NEBL: variants seen among roughly 807,000 people sequenced by gnomAD.
The protein encoded by NEBL is nebulette.
NEBL carries 122 observed loss-of-function variants against 140.2 expected under a neutral mutation model. The ratio of observed to expected loss-of-function variants is 0.87; its 90% CI spans 0.75 to 1.01. The LOEUF is 1.01. Ranked by LOEUF, NEBL falls within the 50% of genes least tolerant of loss-of-function variation. NEBL has a pLI of 0.00. For synonymous variants in NEBL, 436 were observed against 398.9 expected, an observed-to-expected ratio of 1.09 and a Z score of -1.11; for missense variants, 1,365 against 1,231.3, an observed-to-expected ratio of 1.11 and a Z score of -1.62.
At chr10:21,270,689 T>A (rs1158858148) in intron 1 of NEBL, among the ~76,000 whole-genome samples, 2 of 152,124 alleles carry the variant, frequency 1.3e-5, no homozygotes, top group Non-Finnish European at 2.9e-5. Context: ...AATTGTTTGG[T>A]ATATAGATCT....
chr10:21,098,652 T>C (rs569143327), intron 2 of NEBL, among the ~76,000 whole-genome samples: 1 of 152,192 alleles, frequency 6.6e-6, no homozygotes, highest in Non-Finnish European at 1.5e-5. Context: ...TCATTTGGTG[T>C]CCTACAAGAT....
chr10:20,951,889 G>A (rs16905928), intron 4 of NEBL, among the ~76,000 whole-genome samples: 13,706 of 152,224 alleles, frequency 0.09, 664 homozygotes, highest in Middle Eastern at 0.12. Context: ...TGGAAATTGA[G>A]ACGTGAAGCT....
rs564986755 is a variant in NEBL at position 21,126,402 on chromosome 10, G to C, written c.164+45981C>G. Among the ~76,000 whole-genome samples, 5 of 152,278 alleles carry C rather than the reference G, an allele frequency of 3.3e-5. No homozygotes were observed. In the South Asian group the frequency reaches 1.0e-3, roughly 32 times the overall value. On this transcript the variant is annotated intron_variant, in intron 2 of 6. Coordinates refer to the NEBL transcript ENST00000417816. Reference sequence around the variant, plus strand: ...CATAACTAGGAGCTCAAAGATCAGAGAGAGAGAGAAACAAAAGCATTCCAT... The same window carrying C: ...CATAACTAGGAGCTCAAAGATCAGACAGAGAGAGAAACAAAAGCATTCCAT...
intron 26 of NEBL, chr10:20,793,312 A>T: frequency 1.1e-6 from 1 of 944,560 alleles, no homozygotes; most frequent in East Asian, 1.2e-4. Context: ...GGAATCATTT[A>T]AAAATAAAAG....
At chr10:21,185,719 ACTCCTGACCTCAGTTGATC>A (rs1360971215) in intron 3 of NEBL, among the ~76,000 whole-genome samples, 1 of 151,038 alleles carries the variant, frequency 6.6e-6, no homozygotes, top group Non-Finnish European at 1.5e-5. Context: ...CTGGTCTCGA[ACTCCTGACCTCAGTTGATC>A]CACCTCGCCT....
chr10:21,076,336 T>C (rs1026581312), intron 2 of NEBL, among the ~76,000 whole-genome samples: 27 of 146,642 alleles, frequency 1.8e-4, no homozygotes, highest in African/African-American at 6.6e-4. Context: ...TCCCAGCTAC[T>C]CAGAAGGCTG....
intron 9 of NEBL, among the ~76,000 whole-genome samples, chr10:20,854,862 G>T (rs999757133): frequency 6.6e-6 from 1 of 152,104 alleles, no homozygotes; most frequent in African/African-American, 2.4e-5. Flanking sequence ...ACTGCACCTA[G>T]CCCACAGAGT....
chr10:21,167,159 A>G (rs1041588405), intron 2 of NEBL, among the ~76,000 whole-genome samples: 2 of 152,214 alleles, frequency 1.3e-5, no homozygotes, highest in African/African-American at 2.4e-5. Context: ...GTCAATAAAT[A>G]TTCACGAGAG....
At chr10:21,128,797 T>G (rs1313191973) in intron 2 of NEBL, among the ~76,000 whole-genome samples, 1 of 152,070 alleles carries the variant, frequency 6.6e-6, no homozygotes, top group Admixed American at 6.5e-5. Flanking sequence ...CATAAAAATA[T>G]AACATTGAAA....
At chr10:21,259,641 C>T (rs960658104) in intron 1 of NEBL, among the ~76,000 whole-genome samples, 1 of 152,160 alleles carries the variant, frequency 6.6e-6, no homozygotes, top group African/African-American at 2.4e-5. Flanking sequence ...ACCAGTCTTC[C>T]TGGTGGCAAA....
intron 3 of NEBL, among the ~76,000 whole-genome samples, chr10:21,186,663 T>A (rs537759611): frequency 7.3e-4 from 104 of 143,082 alleles, no homozygotes; most frequent in African/African-American, 2.5e-3. Flanking sequence ...GTTTGCGACT[T>A]TTTTTTTTTT....
chr10:20,955,409 T>C (rs1307903235), intron 4 of NEBL, among the ~76,000 whole-genome samples: 1 of 152,236 alleles, frequency 6.6e-6, no homozygotes, highest in Non-Finnish European at 1.5e-5. Context: ...TGAGTGTGTG[T>C]CTGGGATCAG....
intron 2 of NEBL, among the ~76,000 whole-genome samples, chr10:20,896,640 A>T (rs1847521876): frequency 1.3e-5 from 2 of 151,938 alleles, no homozygotes; most frequent in South Asian, 4.2e-4. Context: ...CATTATATTC[A>T]TTTTAAAATC....
At chr10:21,034,041 C>T (rs2131812514) in intron 2 of NEBL, among the ~76,000 whole-genome samples, 1 of 151,392 alleles carries the variant, frequency 6.6e-6, no homozygotes, top group Admixed American at 6.6e-5. Flanking sequence ...ATGGCACACA[C>T]CTGTAGTCTC....
intron 2 of NEBL, chr10:21,146,224 G>C (rs1839885372): frequency 3.9e-6 from 3 of 766,902 alleles, no homozygotes; most frequent in Non-Finnish European, 6.4e-6. Context: ...TTCATGCAGA[G>C]GGTACTCCGT....
intron 20 of NEBL, 130 bp downstream of exon 20, chr10:20,819,294 A>C: frequency 7.0e-7 from 1 of 1,426,830 alleles, no homozygotes; most frequent in Middle Eastern, 2.3e-4. Flanking sequence ...TTTAGCTCTC[A>C]TTATTATGCA....
chr10:20,969,608 C>A (rs1433758213), intron 3 of NEBL, among the ~76,000 whole-genome samples: 3 of 143,370 alleles, frequency 2.1e-5, no homozygotes, highest in Non-Finnish European at 3.0e-5. Flanking sequence ...TGCAGTGGCA[C>A]AATCTTGATT....
intron 2 of NEBL, among the ~76,000 whole-genome samples, chr10:21,053,207 T>C (rs1834853958): frequency 6.6e-6 from 1 of 152,244 alleles, no homozygotes; most frequent in African/African-American, 2.4e-5. Context: ...GACAACGTTC[T>C]TTCCCCCCTA....
chr10:21,265,169 C>T (rs980350117), intron 1 of NEBL, among the ~76,000 whole-genome samples: 1 of 151,956 alleles, frequency 6.6e-6, no homozygotes, highest in African/African-American at 2.4e-5. Flanking sequence ...GTGATCCACC[C>T]ACCTGGGCCT....
Sources: gnomAD v4.1 joint callset for allele counts (sites outside exome capture counted in the v4.1 genomes callset) on GRCh38, gnomAD v4.1.1 for gene constraint, MANE v1.5 for transcripts, NCBI Gene and HGNC (gene_info 2026-07-23, HGNC 2026-07-21) for gene names.